KLF12: variants seen among roughly 807,000 people sequenced by gnomAD.
The protein encoded by KLF12 is Krueppel-like factor 12.
Under a neutral mutation model 37.8 loss-of-function variants are expected in KLF12, and 9 were observed. The ratio of observed to expected loss-of-function variants is 0.24; its 90% CI spans 0.14 to 0.42. The LOEUF (loss-of-function observed/expected upper bound fraction) is 0.42. Ranked by LOEUF, KLF12 falls within the 10% of genes least tolerant of loss-of-function variation. KLF12 has a pLI of 1.00. For missense variants in KLF12, 411 were observed against 516.0 expected (o/e 0.80, Z 1.97); for synonymous variants, 208 against 202.1 (o/e 1.03, Z -0.25).
chr13:74,292,452 CTTT>C, the KLF12 span, among the ~76,000 whole-genome samples: 1 of 136,506 alleles, frequency 7.3e-6, no homozygotes, highest in Admixed American at 7.2e-5. Context: ...GTTTCTTTTT[CTTT>C]TTTTTTTTTT....
At chr13:73,947,293 G>C (rs1373355477) in intron 2 of KLF12, among the ~76,000 whole-genome samples, 1 of 152,108 alleles carries the variant, frequency 6.6e-6, no homozygotes, top group African/African-American at 2.4e-5. Context: ...TTGTTAGTTG[G>C]CTGTTGACCA....
At chr13:74,219,394 C>T in the KLF12 span, among the ~76,000 whole-genome samples, 1 of 152,200 alleles carries the variant, frequency 6.6e-6, no homozygotes, top group Non-Finnish European at 1.5e-5. Flanking sequence ...GTATAATCCT[C>T]TTAATACAAA....
intron 3 of KLF12, among the ~76,000 whole-genome samples, chr13:73,900,631 TAA>T: frequency 6.8e-6 from 1 of 147,996 alleles, no homozygotes; most frequent in South Asian, 2.1e-4. Flanking sequence ...TTCTCTCATT[TAA>T]AAAAAAAAAC....
chr13:73,745,809 C>G (rs952940461), intron 6 of KLF12, among the ~76,000 whole-genome samples: 5 of 152,130 alleles, frequency 3.3e-5, no homozygotes, highest in African/African-American at 1.2e-4. Context: ...AGATACCCAC[C>G]AGTTTGAAAG....
In KLF12 at chr13:73,813,325, T is replaced by C. The variant is rs1325602197; in HGVS notation, c.671-38A>G. ...GGCATATATAATGAATTAAAATCAG[T>C]GCGCAGAAAGTTAACCTTGTCCTGG... is the stretch of plus-strand genomic sequence containing the variant. On this transcript the variant is annotated intron_variant, in intron 4 of 7. Coordinates refer to ENST00000377669, the MANE Select transcript of KLF12 (RefSeq NM_007249.5). The C allele has an allele frequency of 2.5e-6, 4 of 1,611,222 alleles. No homozygotes were observed. The African/African-American group carries it at 4.0e-5, about 16-fold the overall frequency.
chr13:74,046,417 T>C (rs1427942635), intron 1 of KLF12, among the ~76,000 whole-genome samples: 1 of 150,302 alleles, frequency 6.7e-6, no homozygotes, highest in Non-Finnish European at 1.5e-5. Context: ...CTACACCACT[T>C]AAAAATTTAA....
chr13:74,203,377 TC>T, the KLF12 span, among the ~76,000 whole-genome samples: 1 of 152,046 alleles, frequency 6.6e-6, no homozygotes, highest in Non-Finnish European at 1.5e-5. Flanking sequence ...GGAACACTAT[TC>T]CTTTGTAGAG....
the KLF12 span, among the ~76,000 whole-genome samples, chr13:74,243,142 T>A: frequency 6.6e-6 from 1 of 152,136 alleles, no homozygotes; most frequent in South Asian, 2.1e-4. Flanking sequence ...TGTGTGATAT[T>A]CCCCTCCCTG....
intron 5 of KLF12, among the ~76,000 whole-genome samples, chr13:73,807,576 T>C (rs934787019): frequency 6.6e-6 from 1 of 152,190 alleles, no homozygotes; most frequent in Non-Finnish European, 1.5e-5. Flanking sequence ...ATGAACCATT[T>C]AAAAAGAATA....
intron 5 of KLF12, among the ~76,000 whole-genome samples, chr13:73,795,000 G>A (rs1451853603): frequency 6.6e-6 from 1 of 152,142 alleles, no homozygotes; most frequent in African/African-American, 2.4e-5. Context: ...GATAGAGCCA[G>A]GTTATTACTG....
At chr13:74,304,001 A>G in the KLF12 span, among the ~76,000 whole-genome samples, 3 of 152,022 alleles carry the variant, frequency 2.0e-5, no homozygotes, top group African/African-American at 7.2e-5. Context: ...GTCAAGCAGA[A>G]CCCCAAGCAG....
chr13:74,015,436 G>C (rs1344586075), intron 1 of KLF12, among the ~76,000 whole-genome samples: 1 of 152,072 alleles, frequency 6.6e-6, no homozygotes, highest in Non-Finnish European at 1.5e-5. Context: ...TTATCACAGT[G>C]CCCAGCACAT....
the KLF12 span, among the ~76,000 whole-genome samples, chr13:74,271,334 C>T: frequency 6.6e-6 from 1 of 152,164 alleles, no homozygotes; most frequent in Admixed American, 6.5e-5. Context: ...GGCAACTATG[C>T]TTAAGCATTA....
chr13:73,812,486 A>G (rs1330364545), intron 5 of KLF12, among the ~76,000 whole-genome samples: 1 of 152,170 alleles, frequency 6.6e-6, no homozygotes, highest in Non-Finnish European at 1.5e-5. Context: ...ATATACTTTA[A>G]GTATATAAAG....
intron 4 of KLF12, among the ~76,000 whole-genome samples, chr13:73,828,189 A>G (rs1883954892): frequency 6.6e-6 from 1 of 152,124 alleles, no homozygotes. Context: ...TTGGTGCCCA[A>G]AGTCTTTTCA....
chr13:73,805,610 A>AAGGGAGGGAGGGAGGG, intron 5 of KLF12, among the ~76,000 whole-genome samples: 1 of 67,056 alleles, frequency 1.5e-5, no homozygotes, highest in African/African-American at 6.6e-5. Context: ...TGTCAGAAGG[A>AAGGGAGGGAGGGAGGG]AGGGAGGGAG....
chr13:73,708,432 T>C (rs1299533510), intron 7 of KLF12, among the ~76,000 whole-genome samples: 1 of 152,204 alleles, frequency 6.6e-6, no homozygotes, highest in Non-Finnish European at 1.5e-5. Flanking sequence ...TTTTAAAAAA[T>C]TCATCATTAA....
intron 1 of KLF12, among the ~76,000 whole-genome samples, chr13:74,081,208 C>T (rs1048899804): frequency 3.3e-5 from 5 of 152,162 alleles, no homozygotes; most frequent in African/African-American, 1.2e-4. Context: ...AAGATACTGA[C>T]TTTGATTACA....
intron 1 of KLF12, among the ~76,000 whole-genome samples, chr13:74,131,048 T>C (rs775869868): frequency 6.6e-6 from 1 of 152,222 alleles, no homozygotes; most frequent in Non-Finnish European, 1.5e-5. Context: ...CCCCAAACTC[T>C]AGATTAACCA....
Sources: allele counts gnomAD v4.1 joint callset (sites outside exome capture counted in the v4.1 genomes callset), GRCh38; gene constraint gnomAD v4.1.1; transcripts MANE v1.5; gene names NCBI Gene and HGNC (gene_info 2026-07-23, HGNC 2026-07-21).